KCNV2: variants seen among roughly 807,000 people sequenced by gnomAD.
KCNV2 encodes potassium voltage-gated channel subfamily V member 2.
Under a neutral mutation model 37.0 loss-of-function variants are expected in KCNV2, and 65 were observed. The observed-to-expected ratio is 1.76, with a 90% CI of 1.44 to 2.16. The LOEUF (loss-of-function observed/expected upper bound fraction) is 2.16. Among genes scored for constraint, KCNV2 ranks in the 30% most tolerant of loss-of-function variants. The pLI is 0.00. For missense variants in KCNV2, 1,232 were observed against 766.7 expected, an observed-to-expected ratio of 1.61 and a Z score of -7.17; for synonymous variants, 518 against 328.6, an observed-to-expected ratio of 1.58 and a Z score of -6.23.
In KCNV2 at chr9:2,717,976, G is replaced by A. The variant is rs749218071; in HGVS notation, c.237G>A (p.Gly79=). The change falls in exon 1 of 2, where the codon GGG becomes GGA. Residue 79 remains glycine, a synonymous_variant. Transcript: ENST00000382082. ...TGGCAGAAGAGGACCAGCAGGCAGG[G>A]GAGGTCACCACCGCCAAGCCCGAGG... The part of the protein sequence containing the change: ...DDLAEEDQQA[G]EVTTAKPEGP... 25 of 1,614,016 alleles carry A rather than the reference G, an allele frequency of 1.5e-5. No individual in the cohort carries two copies. Among genetic ancestry groups the A allele is most frequent in the Non-Finnish European group, 1.9e-5 (22 of 1,180,028 alleles).
At chr9:2,726,023 G>T (rs1391453980) in intron 1 of KCNV2, among the ~76,000 whole-genome samples, 2 of 152,204 alleles carry the variant, frequency 1.3e-5, no homozygotes, top group Non-Finnish European at 2.9e-5. Flanking sequence ...GAGTTGCTGA[G>T]CTAGCCAGTT....
chr9:2,720,101 TAAGCAA>T (rs1435784332), intron 1 of KCNV2, among the ~76,000 whole-genome samples: 24 of 152,232 alleles, frequency 1.6e-4, no homozygotes, highest in Non-Finnish European at 7.3e-5. Flanking sequence ...TTAAAGACAT[TAAGCAA>T]ATATAACTAG....
In KCNV2 at chr9:2,718,190, T is replaced by C. The variant is rs752649092; in HGVS notation, c.451T>C (p.Phe151Leu). Residue 151 changes from phenylalanine (F) to leucine (L), a missense_variant, in exon 1 of 2, where the codon TTC (phenylalanine) becomes CTC (leucine). Phe to Leu is a conservative substitution (Grantham distance 22, BLOSUM62 0). Transcript: ENST00000382082. ...CGAGGAGCAGACAGACGAATACTTC[T>C]TCGACCGCGACCCGGCCGTCTTCCA... Reference protein sequence around the residue: ...DYEEQTDEYFFDRDPAVFQLV... With the variant: ...DYEEQTDEYFLDRDPAVFQLV... The C allele has an allele frequency of 1.2e-5, 20 of 1,613,244 alleles. No individual in the cohort carries two copies. The highest frequency in any genetic ancestry group is 1.4e-5 in the Non-Finnish European group (17 of 1,179,850).
chr9:2,723,403 C>T (rs1819914399), intron 1 of KCNV2, among the ~76,000 whole-genome samples: 1 of 152,164 alleles, frequency 6.6e-6, no homozygotes, highest in Non-Finnish European at 1.5e-5. Flanking sequence ...CTCTGTAATT[C>T]AACTCAAGGA....
intron 1 of KCNV2, among the ~76,000 whole-genome samples, chr9:2,719,405 G>T (rs563821235): frequency 6.6e-6 from 1 of 152,112 alleles, no homozygotes; most frequent in South Asian, 2.1e-4. Context: ...CAGTTATTGA[G>T]CATCCAGTGT....
rs1433101522 is a variant in KCNV2, at chr9:2,722,880, T to C, written c.1356+3785T>C. Among the ~76,000 whole-genome samples, 5 of 151,624 alleles carry C rather than the reference T, an allele frequency of 3.3e-5. No homozygotes were observed. The East Asian group carries it at 9.6e-4, about 29-fold the overall frequency. ...CCTCTGGCAGACTCCAGCAGCCACA[T>C]GTCGATGGCTGTGGCAAAGAACAAG... On this transcript the variant is annotated intron_variant, in intron 1 of 1. Coordinates refer to ENST00000382082, the MANE Select transcript of KCNV2 (RefSeq NM_133497.4).
In KCNV2 at chr9:2,718,570, G is replaced by A. The variant is rs1487458605; in HGVS notation, c.831G>A (p.Leu277=). 1.9e-6 allele frequency: 3 copies of A among 1,612,688 alleles called. No individual in the cohort carries two copies. The highest frequency in any genetic ancestry group is 1.7e-5 in the Admixed American group (1 of 59,976). The stretch of plus-strand genomic sequence containing the variant: ...TCGTGCTCGTCTCCGTGGTGGCGCT[G>A]GCGCTCAACACCGTGGAGGAGATGC... ...STFVLVSVVA[L]ALNTVEEMQQ... is the part of the protein sequence containing the mutation. The change falls in exon 1 of 2, where the codon CTG becomes CTA. Residue 277 remains leucine (L), a synonymous_variant. Transcript: ENST00000382082.
chr9:2,727,302 AG>A (rs889238456), intron 1 of KCNV2, among the ~76,000 whole-genome samples: 4 of 110,580 alleles, frequency 3.6e-5, no homozygotes, highest in Non-Finnish European at 5.6e-5. Flanking sequence ...GGGAGGGGGG[AG>A]GGGTAGCATT....
chr9:2,723,893 C>G (rs1489303585), intron 1 of KCNV2, among the ~76,000 whole-genome samples: 2 of 151,786 alleles, frequency 1.3e-5, no homozygotes, highest in African/African-American at 4.8e-5. Flanking sequence ...CACAGCTAAA[C>G]AAGAACAATG....
chr9:2,723,118 T>G (rs1819909789), intron 1 of KCNV2, among the ~76,000 whole-genome samples: 1 of 152,148 alleles, frequency 6.6e-6, no homozygotes, highest in African/African-American at 2.4e-5. Context: ...AATGCAATCT[T>G]TCTCCTGCAG....
chr9:2,726,652 G>A (rs2090167716), intron 1 of KCNV2, among the ~76,000 whole-genome samples: 1 of 152,022 alleles, frequency 6.6e-6, no homozygotes, highest in Admixed American at 6.6e-5. Context: ...TTCCTCCAAG[G>A]CCTCTGCATT....
rs2130869560 is a variant in KCNV2, at chr9:2,729,726, A to C, written c.1637A>C (p.Ter546SerextTer60). 1.9e-6 allele frequency: 3 copies of C among 1,614,024 alleles called. No homozygotes were observed. The highest frequency in any genetic ancestry group is 2.5e-6 in the Non-Finnish European group (3 of 1,179,894). The change falls in exon 2 of 2, where the codon TAG (stop) becomes TCG (serine). Residue 546 changes from the stop codon to serine (S), a stop_lost. Coordinates refer to ENST00000382082, the MANE Select transcript of KCNV2 (RefSeq NM_133497.4). ...CAGCTCACCCCAAGACAAGAGAATT[A>C]GTATTTTATAGGACATGTGGCTGGT... is the stretch of plus-strand genomic sequence containing the variant. ...NPQLTPRQEN[*>S]
At position 2,717,732 on chromosome 9, in the gene KCNV2, C is replaced by T. The variant is rs371179367; in HGVS notation, c.-8C>T. ...GAGGAAAAAGCTAGGCGTCCACTTT[C>T]CGCAGCCATGCTCAAACAGAGTGAG... On this transcript the variant is annotated 5_prime_UTR_variant, in exon 1 of 2. Transcript: ENST00000382082. 3.1e-5 allele frequency: 50 copies of T among 1,614,214 alleles called. 1 individual carries two copies. The African/African-American group carries it at 4.3e-4, about 14-fold the overall frequency.
chr9:2,723,880 C>A (rs1048475296), intron 1 of KCNV2, among the ~76,000 whole-genome samples: 1 of 151,984 alleles, frequency 6.6e-6, no homozygotes, highest in Non-Finnish European at 1.5e-5. Flanking sequence ...AGGAAATGCA[C>A]GGCACAGCTA....
Position 2,718,747 on chromosome 9 carries a change from C to T in KCNV2, c.1008C>T (p.Asn336=), listed in dbSNP as rs1226659562. ...GGCGCTTCGCGCGCAGCGCCCTCAA[C>T]CTGGTGGACCTGGTGGCCATCCTGC... ...DLRRFARSAL[N]LVDLVAILPL... is the part of the protein sequence containing the mutation. The change falls in exon 1 of 2, where the codon AAC becomes AAT. Residue 336 remains asparagine (N), a synonymous_variant. Transcript: ENST00000382082. 6.8e-6 allele frequency: 11 copies of T among 1,611,548 alleles called. No individual in the cohort carries two copies. The highest frequency in any genetic ancestry group is 2.2e-5 in the South Asian group (2 of 91,076).
At chr9:2,723,139 CT>C (rs1353940466) in intron 1 of KCNV2, among the ~76,000 whole-genome samples, 5 of 152,128 alleles carry the variant, frequency 3.3e-5, no homozygotes, top group Admixed American at 3.3e-4. Context: ...TAATATATTA[CT>C]GCTCAAATAT....
rs374737276 is a variant in KCNV2 at position 2,729,461 on chromosome 9, G to C, written c.1372G>C (p.Val458Leu). The C allele has an allele frequency of 6.2e-7, 1 of 1,613,602 alleles. No homozygotes were observed. The highest frequency in any genetic ancestry group is 8.5e-7 in the Non-Finnish European group (1 of 1,179,966). The change falls in exon 2 of 2, where the codon GTG (valine) becomes CTG (leucine). Residue 458 changes from valine (V) to leucine (L), a missense_variant. By Grantham distance (32) the Val-to-Leu change is conservative. Transcript: ENST00000382082. ...TCCTCTACAGGTGAGCATCTCCACC[G>C]TGGGCTACGGAGACATGTACCCAGA... Reference protein sequence around the residue: ...WWWAAVSISTVGYGDMYPETH... With the variant: ...WWWAAVSISTLGYGDMYPETH...
intron 1 of KCNV2, among the ~76,000 whole-genome samples, chr9:2,721,795 T>C (rs886231218): frequency 9.9e-5 from 15 of 152,118 alleles, no homozygotes; most frequent in Admixed American, 9.8e-4. Flanking sequence ...GTAGAGTCTG[T>C]CTTTAGTGGG....
chr9:2,729,132 A>AT (rs1820019791), intron 1 of KCNV2, among the ~76,000 whole-genome samples: 1 of 152,196 alleles, frequency 6.6e-6, no homozygotes, highest in Non-Finnish European at 1.5e-5. Flanking sequence ...TTAACATACT[A>AT]TTTTAAATGC....
Sources: gnomAD v4.1 joint callset for allele counts (sites outside exome capture counted in the v4.1 genomes callset) on GRCh38, gnomAD v4.1.1 for gene constraint, MANE v1.5 for transcripts, NCBI Gene and HGNC (gene_info 2026-07-23, HGNC 2026-07-21) for gene names.